The following TRIM37 variants were observed in gnomAD, a reference collection of about 807,000 sequenced individuals.
TRIM37 encodes tripartite motif containing 37.
A neutral mutation model predicts 129.8 loss-of-function variants in TRIM37; 80 were observed. The ratio of observed to expected loss-of-function variants is 0.62; its 90% confidence interval spans 0.51 to 0.74. The LOEUF is 0.74. TRIM37 is among the 30% of genes least tolerant of loss of function. The pLI, the probability that TRIM37 is intolerant of heterozygous loss-of-function variation, is 0.00. For synonymous variants in TRIM37, 389 were observed against 387.1 expected (o/e 1.00, Z -0.06); for missense variants, 1,054 against 1,176.5 (o/e 0.90, Z 1.52).
At chr17:58,972,049 A>G in the TRIM37 span, 2 of 1,346,018 alleles carry the variant, frequency 1.5e-6, no homozygotes, top group African/African-American at 1.5e-5. Context: ...CCAGCTGAAA[A>G]GCTTAATTAT....
At chr17:58,982,563 AATTT>A (rs547426483), downstream of TRIM37, 525 of 241,552 alleles carry the variant, frequency 2.2e-3, 5 homozygotes, top group South Asian at 0.016. Context: ...AAAATCTCTG[AATTT>A]TAAAGACACA....
chr17:59,056,564 C>T (rs2040891611), intron 13 of TRIM37, among the ~76,000 whole-genome samples: 1 of 151,248 alleles, frequency 6.6e-6, no homozygotes, highest in African/African-American at 2.4e-5. Flanking sequence ...CCCGTCTCTA[C>T]TAAAAATAGT....
At chr17:59,012,738 A>G (rs1339811363) in intron 21 of TRIM37, among the ~76,000 whole-genome samples, 1 of 151,922 alleles carries the variant, frequency 6.6e-6, no homozygotes, top group Non-Finnish European at 1.5e-5. Flanking sequence ...TTAGCCAGAT[A>G]TGGTGGTGGG....
chr17:58,968,704 A>C, the TRIM37 span, among the ~76,000 whole-genome samples: 3 of 152,358 alleles, frequency 2.0e-5, no homozygotes, highest in African/African-American at 7.2e-5. Flanking sequence ...CCTAAGTGAG[A>C]CAGATCTGAG....
At chr17:59,009,744 C>T (rs957646179) in intron 22 of TRIM37, among the ~76,000 whole-genome samples, 3 of 152,238 alleles carry the variant, frequency 2.0e-5, no homozygotes, top group South Asian at 2.1e-4. Context: ...CTGCGCCCGG[C>T]CCTGGCCTTC....
the TRIM37 span, among the ~76,000 whole-genome samples, chr17:58,977,080 C>A: frequency 6.6e-6 from 1 of 151,900 alleles, no homozygotes; most frequent in Admixed American, 6.6e-5. Context: ...TATGGAGGCA[C>A]CTTAGCATAT....
rs1383657853 is a variant in TRIM37, at chr17:59,070,970, T to C, written c.685-23A>G. 1.7e-5 allele frequency: 27 copies of C among 1,612,608 alleles called. No homozygotes were observed. The East Asian group carries it at 6.0e-4, about 36-fold the overall frequency. The stretch of plus-strand genomic sequence containing the variant: ...CAACTGTGTGAGGAAAAAAATTATC[T>C]GAACAAACAAAATTACTATTCACTG... On this transcript the variant is annotated intron_variant, in intron 8 of 23. Transcript: ENST00000262294.
chr17:58,995,756 G>A (rs372323910), downstream of TRIM37, among the ~76,000 whole-genome samples: 121 of 152,248 alleles, frequency 7.9e-4, no homozygotes, highest in African/African-American at 2.6e-3. Flanking sequence ...TTGGCTGGGC[G>A]CAGTGGCACA....
intron 4 of TRIM37, 81 bp from the exon 5 acceptor site, chr17:59,084,170 C>T: frequency 1.9e-6 from 2 of 1,078,950 alleles, no homozygotes; most frequent in Non-Finnish European, 2.8e-6. Context: ...CTTGGGCAAA[C>T]AGGTCAGTTT....
intron 17 of TRIM37, among the ~76,000 whole-genome samples, chr17:59,041,478 G>C (rs1568060578): frequency 6.6e-6 from 1 of 152,024 alleles, no homozygotes; most frequent in Non-Finnish European, 1.5e-5. Flanking sequence ...ACAAATCTGG[G>C]GATTCAATTA....
At position 58,982,819 on chromosome 17, in the gene TRIM37, C is replaced by T. The variant is rs955642130; in HGVS notation, c.*99G>A. 11 of 1,257,964 alleles carry T rather than the reference C, an allele frequency of 8.7e-6. No homozygotes were observed. The African/African-American group carries it at 1.6e-4, about 19-fold the overall frequency. The allele number at this position is 1,257,964 out of a possible 1,614,324, so 77.9% of individuals were successfully genotyped here. On this transcript the variant is annotated 3_prime_UTR_variant, in exon 25 of 25. Coordinates refer to the TRIM37 transcript ENST00000393066. ...ATAGTGCCGGAACCTTTTCATCATT[C>T]TGAGGCTTTGCCCCACACATGGTCC...
chr17:59,006,536 G>C (rs981433214), intron 22 of TRIM37, among the ~76,000 whole-genome samples: 12 of 152,146 alleles, frequency 7.9e-5, no homozygotes, highest in African/African-American at 2.2e-4. Flanking sequence ...ATATTGTTCA[G>C]GTATTTTCCC....
intron 19 of TRIM37, among the ~76,000 whole-genome samples, chr17:59,019,157 A>C (rs1355511805): frequency 6.6e-6 from 1 of 152,240 alleles, no homozygotes; most frequent in Non-Finnish European, 1.5e-5. Context: ...TTCTAAGCAT[A>C]TACTCAAACA....
chr17:59,092,412 C>CA (rs899588866), intron 2 of TRIM37, among the ~76,000 whole-genome samples: 5 of 146,218 alleles, frequency 3.4e-5, no homozygotes, highest in African/African-American at 7.5e-5. Context: ...AAAAAAAAAA[C>CA]AAAAAAAACG....
intron 7 of TRIM37, among the ~76,000 whole-genome samples, chr17:59,079,148 A>G (rs1490183058): frequency 6.6e-6 from 1 of 152,132 alleles, no homozygotes; most frequent in Non-Finnish European, 1.5e-5. Context: ...TTTAGTCAGC[A>G]AAACACTGGA....
At chr17:58,979,269 G>T (rs966215689), downstream of TRIM37, among the ~76,000 whole-genome samples, 2 of 152,140 alleles carry the variant, frequency 1.3e-5, no homozygotes, top group Non-Finnish European at 2.9e-5. Flanking sequence ...CATACATTTT[G>T]TCTGTTCTCT....
rs188937730 is a variant in TRIM37, at chr17:59,073,325, G to A, written c.684+2322C>T. Among the ~76,000 whole-genome samples the A allele has an allele frequency of 2.3e-4, 35 of 151,188 alleles. No individual in the cohort carries two copies. The East Asian group carries it at 6.2e-3, about 27-fold the overall frequency. On this transcript the variant is annotated intron_variant, in intron 8 of 23. Coordinates refer to ENST00000262294, the MANE Select transcript of TRIM37 (RefSeq NM_015294.6). ...TTTTTTTTTTTTGAGACAGGGTCTC[G>A]CTCTGTCGCCCAGGCTGGAGTGCAG...
downstream of TRIM37, chr17:58,980,421 C>T: frequency 6.2e-7 from 1 of 1,614,174 alleles, no homozygotes; most frequent in African/African-American, 1.3e-5. The surrounding 1 kb of genome is among the most constrained non-coding windows in gnomAD (Gnocchi z 4.7). Context: ...ACTGATAGAA[C>T]TAGCCTGAGC....
intron 1 of TRIM37, among the ~76,000 whole-genome samples, chr17:59,106,097 G>A (rs1483785257): frequency 2.0e-5 from 3 of 152,190 alleles, no homozygotes; most frequent in Admixed American, 6.5e-5. Context: ...TCAAGAACTC[G>A]CAAGGACTGG....
Sources: gnomAD v4.1 joint callset for allele counts (sites outside exome capture counted in the v4.1 genomes callset) on GRCh38, gnomAD v4.1.1 for gene constraint, Gnocchi (gnomAD v3.1) non-coding constraint, MANE v1.5 for transcripts, NCBI Gene and HGNC (gene_info 2026-07-23, HGNC 2026-07-21) for gene names.